The following ATP6V0A4 variants were observed in gnomAD, a reference collection of about 807,000 sequenced individuals.
The protein encoded by ATP6V0A4 is V-type proton ATPase 116 kDa subunit a 4.
In ATP6V0A4, 86 loss-of-function variants were observed where a neutral mutation model predicts 107.3. That is an observed-to-expected ratio of 0.80 (90% CI 0.67 to 0.96). The LOEUF is 0.96. Among genes scored for constraint, ATP6V0A4 ranks in the 40% least tolerant of loss-of-function variants. The probability of loss-of-function intolerance (pLI) is 0.00; values close to 1 mark genes in which losing one functional copy is unlikely to be tolerated. For synonymous variants in ATP6V0A4, 353 were observed against 381.4 expected (o/e 0.93, Z 0.87); for missense variants, 908 against 1,045.6 (o/e 0.87, Z 1.81).
chr7:138,732,522 G>A (rs538346979), intron 17 of ATP6V0A4, among the ~76,000 whole-genome samples: 52 of 151,956 alleles, frequency 3.4e-4, no homozygotes, highest in East Asian at 1.2e-3. Flanking sequence ...GGCCAGGTGC[G>A]GTGGCTCACA....
intron 14 of ATP6V0A4, among the ~76,000 whole-genome samples, chr7:138,744,312 G>A (rs562218360): frequency 1.6e-4 from 21 of 134,780 alleles, no homozygotes; most frequent in Admixed American, 8.0e-4. Flanking sequence ...ATCTCGGCTC[G>A]CTGCAACCTC....
chr7:138,794,903 T>TA (rs35769318), intron 1 of ATP6V0A4, among the ~76,000 whole-genome samples: 69,279 of 150,038 alleles, frequency 0.46, 16,098 homozygotes, highest in South Asian at 0.6. Context: ...CCCTATTTTT[T>TA]TTTTTTTTTT....
In ATP6V0A4 at chr7:138,747,429, T is replaced by A. The variant is rs138079822; in HGVS notation, c.1316A>T (p.Asn439Ile). 2.5e-5 allele frequency: 40 copies of A among 1,614,172 alleles called. No homozygotes were observed. In the African/African-American group the frequency reaches 5.3e-4, roughly 22 times the overall value. Residue 439 changes from asparagine to isoleucine, a missense_variant, in exon 13 of 22, where the codon AAT becomes ATT. By Grantham distance (149) the Asn-to-Ile change is moderately radical. Coordinates refer to ENST00000310018, the MANE Select transcript of ATP6V0A4 (RefSeq NM_020632.3). The stretch of plus-strand genomic sequence containing the variant: ...AGACGGTCAATGGACACTCACCTCA[T>A]TGTCTGTCTTCTGGGAGAGCAAGCG... ...ERRLLSQKTD[N>I]EIWNTFFHGR... is the part of the protein sequence containing the mutation.
chr7:138,784,289 TACACACACACACACAC>T (rs537165545), intron 2 of ATP6V0A4, among the ~76,000 whole-genome samples: 2 of 43,796 alleles, frequency 4.6e-5, no homozygotes, highest in African/African-American at 1.3e-4. Context: ...TACATATATA[TACACACACACACACAC>T]ACATATATAT....
intron 19 of ATP6V0A4, among the ~76,000 whole-genome samples, chr7:138,720,748 T>C (rs1316265533): frequency 2.0e-5 from 3 of 152,112 alleles, no homozygotes; most frequent in Non-Finnish European, 4.4e-5. Flanking sequence ...GTGATTCTCC[T>C]GCCTCAGCCT....
intron 17 of ATP6V0A4, among the ~76,000 whole-genome samples, chr7:138,731,960 T>C (rs1368644030): frequency 1.3e-5 from 2 of 151,440 alleles, no homozygotes; most frequent in East Asian, 1.9e-4. Flanking sequence ...AAGTTGATAA[T>C]GAGGCTAAAA....
Position 138,721,927 on chromosome 7 carries a change from G to T in ATP6V0A4, c.2109C>A (p.Thr703=). ...SRSGQRTSAD[T]HGALDDHGEE... is the part of the protein sequence containing the mutation. ...CTCCATGGTCGTCCAGAGCCCCGTGGGTATCTGCAGAAGTCCTCTGGCCAG... is the reference window on the plus strand; with the variant it reads ...CTCCATGGTCGTCCAGAGCCCCGTGTGTATCTGCAGAAGTCCTCTGGCCAG... Residue 703 remains threonine (T), a synonymous_variant, in exon 19 of 22, where the codon ACC becomes ACA. Coordinates refer to ENST00000310018, the MANE Select transcript of ATP6V0A4 (RefSeq NM_020632.3). 1 of 1,614,118 alleles carries T rather than the reference G, an allele frequency of 6.2e-7. No homozygotes were observed. The highest frequency in any genetic ancestry group is 1.3e-5 in the African/African-American group (1 of 75,030).
chr7:138,797,873 T>C (rs1808759322), intron 1 of ATP6V0A4, 161 bp downstream of exon 1: 2 of 1,001,742 alleles, frequency 2.0e-6, no homozygotes, highest in South Asian at 3.1e-5. Flanking sequence ...CCTCCCTTCC[T>C]TCCTCAGCCA....
rs560266560 is a variant in ATP6V0A4 at position 138,752,186 on chromosome 7, A to G, written c.1029+439T>C. On this transcript the variant is annotated intron_variant, in intron 11 of 21. Coordinates refer to ENST00000310018, the MANE Select transcript of ATP6V0A4 (RefSeq NM_020632.3). ...GGAGTTTAAGAGCAGCCCAGCCAACATGGTGAAACCCCGTCTCTACTAAAA... is the reference window on the plus strand; with the variant it reads ...GGAGTTTAAGAGCAGCCCAGCCAACGTGGTGAAACCCCGTCTCTACTAAAA... Among the ~76,000 whole-genome samples, 7 of 152,128 alleles carry G rather than the reference A, an allele frequency of 4.6e-5. No individual in the cohort carries two copies. In the East Asian group the frequency reaches 1.2e-3, roughly 25 times the overall value.
chr7:138,761,548 G>A (rs1433289213), intron 7 of ATP6V0A4, among the ~76,000 whole-genome samples: 1 of 151,158 alleles, frequency 6.6e-6, no homozygotes, highest in Admixed American at 6.6e-5. Flanking sequence ...GGAGAATGGC[G>A]TGAACCTGGG....
At chr7:138,728,218 G>GTTTAT (rs1216492066) in intron 18 of ATP6V0A4, among the ~76,000 whole-genome samples, 8 of 144,330 alleles carry the variant, frequency 5.5e-5, no homozygotes, top group Non-Finnish European at 1.2e-4. Context: ...CAGACATAAG[G>GTTTAT]TTTATTTTAT....
At chr7:138,721,750 T>A (rs575293428) in intron 19 of ATP6V0A4, 147 bp downstream of exon 19, 66 of 864,866 alleles carry the variant, frequency 7.6e-5, no homozygotes, top group Non-Finnish European at 1.2e-4. Context: ...TCCCCTTCCC[T>A]GAGACCTTCA....
At chr7:138,723,097 CAGCTGG>C (rs1341411701) in intron 18 of ATP6V0A4, among the ~76,000 whole-genome samples, 2 of 150,222 alleles carry the variant, frequency 1.3e-5, no homozygotes, top group South Asian at 2.1e-4. Context: ...CAAGATCATA[CAGCTGG>C]CAAGGCTGGT....
intron 9 of ATP6V0A4, 32 bp downstream of exon 9, chr7:138,756,425 TC>T: frequency 6.2e-7 from 1 of 1,610,014 alleles, no homozygotes; most frequent in Non-Finnish European, 8.5e-7. Context: ...CTGGCCCAAA[TC>T]ACTGAAGAAA....
rs768474723 is a variant in ATP6V0A4 at position 138,752,729 on chromosome 7, G to C, written c.925C>G (p.Leu309Val). The change falls in exon 11 of 22, where the codon CTG becomes GTG. Residue 309 changes from leucine to valine, a missense_variant. Transcript: ENST00000310018. The stretch of plus-strand genomic sequence containing the variant: ...GTGACGTCGATGTTGCACATGTTCA[G>C]GATGTGGTAGACAGCTTTCATCTTC... ...VQKMKAVYHI[L>V]NMCNIDVTQQ... The C allele has an allele frequency of 6.2e-7, 1 of 1,614,162 alleles. No individual in the cohort carries two copies. The highest frequency in any genetic ancestry group is 8.5e-7 in the Non-Finnish European group (1 of 1,180,024).
At position 138,706,608 on chromosome 7, in the gene ATP6V0A4, AG is replaced by A; in HGVS notation, c.*15del. ...TCATTGGCATGGTGACCACCGTGGGAGGTGCAGCCCTCAGCCTACTCCTCGG... is the reference window on the plus strand; with the variant it reads ...TCATTGGCATGGTGACCACCGTGGGAGTGCAGCCCTCAGCCTACTCCTCGG... On this transcript the variant is annotated 3_prime_UTR_variant, in exon 22 of 22. Coordinates refer to ENST00000310018, the MANE Select transcript of ATP6V0A4 (RefSeq NM_020632.3). The A allele has an allele frequency of 6.2e-7, 1 of 1,613,660 alleles. No homozygotes were observed. The highest frequency in any genetic ancestry group is 1.1e-5 in the South Asian group (1 of 91,066).
intron 2 of ATP6V0A4, among the ~76,000 whole-genome samples, chr7:138,778,579 GA>G (rs1382516037): frequency 1.3e-5 from 2 of 152,162 alleles, no homozygotes; most frequent in East Asian, 3.9e-4. Context: ...ATGTGCAGCA[GA>G]AAAGTTCCAA....
chr7:138,706,689 C>G lies in ATP6V0A4; in HGVS notation c.2458G>C (p.Gly820Arg), dbSNP rs267606671. The G allele has an allele frequency of 1.2e-6, 2 of 1,613,592 alleles. No homozygotes were observed. The highest frequency in any genetic ancestry group is 3.3e-5 in the Admixed American group (2 of 59,924). ...WVEFQNKFYVGDGYKFSPFSF... is the reference protein window; with the variant it reads ...WVEFQNKFYVRDGYKFSPFSF... ...AATGGAGAAAACTTGTAACCATCCC[C>G]GACATAGAACTTGTTCTGGAACTCA... The change falls in exon 22 of 22, where the codon GGG (glycine) becomes CGG (arginine). Residue 820 changes from glycine to arginine, a missense_variant. Physicochemically the swap from Gly to Arg is moderately radical, Grantham distance 125 (BLOSUM62 -2). Transcript: ENST00000310018.
chr7:138,775,941 T>C (rs1157393259), intron 2 of ATP6V0A4, among the ~76,000 whole-genome samples: 2 of 152,134 alleles, frequency 1.3e-5, no homozygotes. Context: ...TGAGCCACCG[T>C]GCTCAGCCAT....
Sources: gnomAD v4.1 joint callset for allele counts (sites outside exome capture counted in the v4.1 genomes callset) on GRCh38, gnomAD v4.1.1 for gene constraint, MANE v1.5 for transcripts, NCBI Gene and HGNC (gene_info 2026-07-23, HGNC 2026-07-21) for gene names.